Variants in TRAPPC6B observed in about 807,000 individuals in gnomAD.
TRAPPC6B encodes trafficking protein particle complex subunit 6B.
TRAPPC6B carries 27 observed loss-of-function variants against 24.7 expected under a neutral mutation model. The ratio of observed to expected loss-of-function variants is 1.09; its 90% CI spans 0.81 to 1.51. TRAPPC6B has a LOEUF of 1.51. Ranked by LOEUF, TRAPPC6B falls within the 40% of genes most tolerant of loss-of-function variation. TRAPPC6B has a pLI of 0.00. For synonymous variants in TRAPPC6B, 80 were observed against 66.6 expected, an observed-to-expected ratio of 1.20 and a Z score of -0.98; for missense variants, 212 against 190.8, an observed-to-expected ratio of 1.11 and a Z score of -0.66.
At chr14:39,168,814 G>C (rs1268151190) in intron 1 of TRAPPC6B, among the ~76,000 whole-genome samples, 1 of 152,102 alleles carries the variant, frequency 6.6e-6, no homozygotes, top group Admixed American at 6.6e-5. Context: ...TCCTCCTGCA[G>C]TGACTCCCGT....
chr14:39,148,217 A>C lies in TRAPPC6B; in HGVS notation c.*2133T>G, dbSNP rs2052876179. ...ATATCACATATCTTCACTGAGAAGCAGAAGAGGGATGCTGGCAAATCCCTA... is the reference window on the plus strand; with the variant it reads ...ATATCACATATCTTCACTGAGAAGCCGAAGAGGGATGCTGGCAAATCCCTA... On this transcript the variant is annotated 3_prime_UTR_variant, in exon 6 of 6. Coordinates refer to ENST00000330149, the MANE Select transcript of TRAPPC6B (RefSeq NM_001079537.2). 3 of 154,524 alleles carry C rather than the reference A, an allele frequency of 1.9e-5. No individual in the cohort carries two copies. Among genetic ancestry groups the C allele is most frequent in the African/African-American group, 7.2e-5 (3 of 41,606 alleles). 9.6% of individuals were successfully genotyped at this position (154,524 alleles called of 1,614,324 possible). A position where few individuals can be genotyped will look rare whatever the true frequency, so the allele number is the denominator to read the frequency against.
chr14:39,165,438 T>C (rs1260706053), intron 1 of TRAPPC6B, among the ~76,000 whole-genome samples: 1 of 152,178 alleles, frequency 6.6e-6, no homozygotes, highest in Non-Finnish European at 1.5e-5. Flanking sequence ...ATTCTGTACA[T>C]ACATCTATTA....
intron 1 of TRAPPC6B, among the ~76,000 whole-genome samples, chr14:39,162,900 T>C (rs1414931884): frequency 2.1e-5 from 3 of 143,512 alleles, no homozygotes; most frequent in Non-Finnish European, 4.4e-5. Flanking sequence ...CCCCGTCCCT[T>C]AAACATGCCA....
At chr14:39,150,943 T>C (rs770183252) in intron 5 of TRAPPC6B, among the ~76,000 whole-genome samples, 2 of 152,186 alleles carry the variant, frequency 1.3e-5, no homozygotes, top group Non-Finnish European at 2.9e-5. Context: ...CTAATGATCA[T>C]TGTAAATTGA....
Position 39,150,847 on chromosome 14 carries a change from A to G in TRAPPC6B, c.446-466T>C, listed in dbSNP as rs190020692. 1.4e-3 allele frequency among the ~76,000 whole-genome samples: 208 copies of G among 152,158 alleles called. 3 individuals are homozygous for G. The highest frequency in any genetic ancestry group is 0.013 in the South Asian group (64 of 4,820). Reference sequence around the variant, plus strand: ...GCACCACACCCGGCCAGTCAATTCTATTTTTATGGGATGATTATATGGTTT... The same window carrying G: ...GCACCACACCCGGCCAGTCAATTCTGTTTTTATGGGATGATTATATGGTTT... On this transcript the variant is annotated intron_variant, in intron 5 of 5. Coordinates refer to ENST00000330149, the MANE Select transcript of TRAPPC6B (RefSeq NM_001079537.2).
chr14:39,154,832 A>G (rs549721319), intron 3 of TRAPPC6B, among the ~76,000 whole-genome samples: 1 of 152,350 alleles, frequency 6.6e-6, no homozygotes, highest in South Asian at 2.1e-4. Context: ...ACTGAAGATA[A>G]AAACACTGTC....
intron 1 of TRAPPC6B, among the ~76,000 whole-genome samples, chr14:39,166,671 C>T (rs2139390488): frequency 6.6e-6 from 1 of 152,292 alleles, no homozygotes. Context: ...GATAATCAGA[C>T]ATTATTCTGG....
intron 4 of TRAPPC6B, among the ~76,000 whole-genome samples, chr14:39,152,556 T>C (rs150008247): frequency 6.6e-6 from 1 of 152,246 alleles, no homozygotes; most frequent in Admixed American, 6.5e-5. Flanking sequence ...CTACGAATAA[T>C]ATAAAATATT....
intron 1 of TRAPPC6B, among the ~76,000 whole-genome samples, chr14:39,161,958 T>C (rs1207841707): frequency 6.6e-6 from 1 of 152,156 alleles, no homozygotes; most frequent in African/African-American, 2.4e-5. Context: ...GACACTTTTT[T>C]TCTGGCAGCG....
Position 39,148,777 on chromosome 14 carries a change from G to A in TRAPPC6B, c.*1573C>T, listed in dbSNP as rs1161998983. 2.5e-6 allele frequency: 1 copy of A among 398,242 alleles called. No individual in the cohort carries two copies. Among genetic ancestry groups the A allele is most frequent in the Non-Finnish European group, 4.4e-6 (1 of 225,958 alleles). 24.7% of individuals were successfully genotyped at this position (398,242 alleles called of 1,614,324 possible). On this transcript the variant is annotated 3_prime_UTR_variant, in exon 6 of 6. Transcript: ENST00000330149. ...CAGTCATGCATTGCTTAGCAAAGGGGATACATTCTGAGAAATGCATCATCA... is the reference window on the plus strand; with the variant it reads ...CAGTCATGCATTGCTTAGCAAAGGGAATACATTCTGAGAAATGCATCATCA...
At chr14:39,166,379 T>C (rs1258587803) in intron 1 of TRAPPC6B, among the ~76,000 whole-genome samples, 1 of 152,218 alleles carries the variant, frequency 6.6e-6, no homozygotes, top group East Asian at 1.9e-4. Flanking sequence ...CAGGAACTAT[T>C]GAAACCACCT....
At chr14:39,155,391 G>A (rs574111254) in intron 3 of TRAPPC6B, among the ~76,000 whole-genome samples, 9 of 152,038 alleles carry the variant, frequency 5.9e-5, no homozygotes, top group East Asian at 3.9e-4. Context: ...ACAGGCATGC[G>A]CCACTACGCC....
At chr14:39,158,230 A>G (rs1381903651) in intron 3 of TRAPPC6B, 55 bp downstream of exon 3, 2 of 952,860 alleles carry the variant, frequency 2.1e-6, no homozygotes, top group South Asian at 1.6e-5. Context: ...CTAAAATACG[A>G]TATTTATATC....
chr14:39,163,479 C>T (rs1390131048), intron 1 of TRAPPC6B, among the ~76,000 whole-genome samples: 4 of 150,838 alleles, frequency 2.7e-5, no homozygotes, highest in South Asian at 2.1e-4. Flanking sequence ...GGTATGGGGC[C>T]GCTAATCAGC....
intron 3 of TRAPPC6B, chr14:39,156,735 A>G (rs1037206595): frequency 1.3e-5 from 2 of 152,230 alleles, no homozygotes; most frequent in Non-Finnish European, 2.9e-5. Flanking sequence ...TCTTCCTGCC[A>G]CCCAAGATGC....
intron 1 of TRAPPC6B, among the ~76,000 whole-genome samples, chr14:39,169,372 GATTAA>G (rs1301772902): frequency 6.6e-6 from 1 of 151,994 alleles, no homozygotes; most frequent in Non-Finnish European, 1.5e-5. Context: ...TCACATTTCG[GATTAA>G]ATTAGATTAA....
At chr14:39,168,458 A>C (rs2139392168) in intron 1 of TRAPPC6B, among the ~76,000 whole-genome samples, 1 of 152,298 alleles carries the variant, frequency 6.6e-6, no homozygotes, top group African/African-American at 2.4e-5. Context: ...GGGTCATTTG[A>C]ATAAGAATAG....
At chr14:39,169,591 T>C (rs1018580971) in intron 1 of TRAPPC6B, among the ~76,000 whole-genome samples, 1 of 152,080 alleles carries the variant, frequency 6.6e-6, no homozygotes, top group Non-Finnish European at 1.5e-5. Context: ...TTGTGTGGAG[T>C]TGTACTGAGC....
rs763258208 is a variant in TRAPPC6B, at chr14:39,150,331, C to A, written c.*19G>T. The stretch of plus-strand genomic sequence containing the variant: ...AATTTATCTCTTTACACTGTTGAAG[C>A]CTTGCATTTCAGTATGTTCTACAGC... On this transcript the variant is annotated 3_prime_UTR_variant, in exon 6 of 6. Transcript: ENST00000330149. 2 of 1,577,692 alleles carry A rather than the reference C, an allele frequency of 1.3e-6. No individual in the cohort carries two copies. The highest frequency in any genetic ancestry group is 1.7e-6 in the Non-Finnish European group (2 of 1,167,238).
Sources: gnomAD v4.1 joint callset for allele counts (sites outside exome capture counted in the v4.1 genomes callset) on GRCh38, gnomAD v4.1.1 for gene constraint, MANE v1.5 for transcripts, NCBI Gene and HGNC (gene_info 2026-07-23, HGNC 2026-07-21) for gene names.